CSMD3: variants seen among roughly 807,000 people sequenced by gnomAD.
CSMD3 encodes the protein CUB and sushi domain-containing protein 3.
A neutral mutation model predicts 435.2 loss-of-function variants in CSMD3; 177 were observed. The observed-to-expected ratio is 0.41, with a 90% CI of 0.36 to 0.46. The LOEUF (loss-of-function observed/expected upper bound fraction) is 0.46. Ranked by LOEUF, CSMD3 falls within the 20% of genes least tolerant of loss-of-function variation. The pLI, the probability that CSMD3 is intolerant of heterozygous loss-of-function variation, is 0.34. For missense variants in CSMD3, 4,265 were observed against 4,504.6 expected (o/e 0.95, Z 1.52); for synonymous variants, 1,656 against 1,520.5 (o/e 1.09, Z -2.07).
intron 22 of CSMD3, among the ~76,000 whole-genome samples, chr8:112,608,607 CA>C (rs1832981564): frequency 6.6e-6 from 1 of 151,714 alleles, no homozygotes; most frequent in Non-Finnish European, 1.5e-5. Flanking sequence ...TATACATACA[CA>C]CACACACACG....
intron 12 of CSMD3, among the ~76,000 whole-genome samples, chr8:112,826,113 G>A (rs1041807309): frequency 2.6e-5 from 4 of 152,220 alleles, no homozygotes; most frequent in African/African-American, 9.6e-5. Context: ...AGGCACTCTG[G>A]CCACAGTCTG....
intron 5 of CSMD3, among the ~76,000 whole-genome samples, chr8:113,029,512 T>C (rs564404638): frequency 1.1e-4 from 16 of 151,396 alleles, no homozygotes; most frequent in African/African-American, 3.6e-4. Flanking sequence ...TAAACAGAAT[T>C]AAAAACAAAT....
At chr8:112,359,113 TTTG>T (rs1401290612) in intron 38 of CSMD3, among the ~76,000 whole-genome samples, 2 of 152,154 alleles carry the variant, frequency 1.3e-5, no homozygotes, top group African/African-American at 2.4e-5. Context: ...TATTATTCAT[TTTG>T]TTGTAATTAC....
intron 1 of CSMD3, among the ~76,000 whole-genome samples, chr8:113,406,262 C>T (rs988842472): frequency 6.6e-6 from 1 of 151,540 alleles, no homozygotes; most frequent in Non-Finnish European, 1.5e-5. Flanking sequence ...TTTGAAGTAC[C>T]CTGGATCATG....
intron 7 of CSMD3, among the ~76,000 whole-genome samples, chr8:112,959,417 G>A (rs546620486): frequency 8.8e-4 from 133 of 151,904 alleles, no homozygotes; most frequent in Admixed American, 2.4e-3. Flanking sequence ...AAGTATCTTG[G>A]AAGTGTCAGT....
chr8:112,909,506 T>G (rs1384211026), intron 10 of CSMD3, among the ~76,000 whole-genome samples: 4 of 151,748 alleles, frequency 2.6e-5, no homozygotes, highest in Non-Finnish European at 4.4e-5. Context: ...AGGAAAGGGA[T>G]GTATAAAAGC....
intron 32 of CSMD3, among the ~76,000 whole-genome samples, chr8:112,440,666 G>A (rs576645748): frequency 1.3e-5 from 2 of 152,322 alleles, no homozygotes; most frequent in African/African-American, 2.4e-5. Flanking sequence ...TCGAGGCAGA[G>A]GTTCCCAAAC....
intron 2 of CSMD3, among the ~76,000 whole-genome samples, chr8:113,280,243 A>G (rs1563645737): frequency 1.3e-5 from 2 of 151,978 alleles, no homozygotes; most frequent in South Asian, 2.1e-4. Context: ...AAGGATTAGT[A>G]CCAATTCTTT....
intron 11 of CSMD3, among the ~76,000 whole-genome samples, chr8:112,852,229 T>A (rs2129742089): frequency 6.6e-6 from 1 of 152,262 alleles, no homozygotes; most frequent in South Asian, 2.1e-4. Context: ...AACTTAAAAA[T>A]AAATCCCAAA....
At chr8:113,138,161 T>G (rs2131716862) in intron 4 of CSMD3, among the ~76,000 whole-genome samples, 1 of 151,560 alleles carries the variant, frequency 6.6e-6, no homozygotes, top group Admixed American at 6.6e-5. Context: ...ACACTCAATT[T>G]ACCGTAATTA....
chr8:112,638,218 T>C (rs2131586606), intron 21 of CSMD3, among the ~76,000 whole-genome samples: 1 of 148,240 alleles, frequency 6.7e-6, no homozygotes, highest in African/African-American at 2.4e-5. Context: ...AAATATATAA[T>C]TTATTATTAA....
At chr8:112,470,068 G>A (rs897646971) in intron 32 of CSMD3, among the ~76,000 whole-genome samples, 2 of 152,100 alleles carry the variant, frequency 1.3e-5, no homozygotes, top group Non-Finnish European at 2.9e-5. Context: ...CATCAAAGAG[G>A]TAAAGGAAGG....
At chr8:112,434,435 GC>G (rs1282358691) in intron 32 of CSMD3, among the ~76,000 whole-genome samples, 1 of 152,084 alleles carries the variant, frequency 6.6e-6, no homozygotes, top group African/African-American at 2.4e-5. Flanking sequence ...ACTCTGCAAA[GC>G]ATCTTCCTTT....
At chr8:112,780,794 G>A (rs1464077529) in intron 13 of CSMD3, among the ~76,000 whole-genome samples, 1 of 151,516 alleles carries the variant, frequency 6.6e-6, no homozygotes, top group Non-Finnish European at 1.5e-5. Context: ...GAAGGGAATT[G>A]TCTATCACAG....
chr8:113,179,560 T>G (rs1035930099), intron 3 of CSMD3, among the ~76,000 whole-genome samples: 1 of 151,808 alleles, frequency 6.6e-6, no homozygotes, highest in Admixed American at 6.6e-5. Context: ...AAGTCCCCTA[T>G]AGGTGTCATT....
intron 10 of CSMD3, among the ~76,000 whole-genome samples, chr8:112,879,670 C>T (rs2130180189): frequency 6.6e-6 from 1 of 152,106 alleles, no homozygotes; most frequent in East Asian, 1.9e-4. Context: ...AAATTTCTCG[C>T]TTTTATACTC....
intron 61 of CSMD3, among the ~76,000 whole-genome samples, chr8:112,260,097 T>G (rs1816236027): frequency 6.6e-6 from 1 of 152,186 alleles, no homozygotes; most frequent in South Asian, 2.1e-4. Flanking sequence ...CAAATGGCTT[T>G]AATTCATAAA....
chr8:112,967,671 C>A (rs1370210536), intron 7 of CSMD3, among the ~76,000 whole-genome samples: 1 of 151,800 alleles, frequency 6.6e-6, no homozygotes, highest in African/African-American at 2.4e-5. Context: ...TGATTTTCTG[C>A]ACAGCCCTTA....
intron 27 of CSMD3, among the ~76,000 whole-genome samples, chr8:112,524,629 T>C (rs1401015832): frequency 2.0e-5 from 3 of 152,074 alleles, no homozygotes; most frequent in Admixed American, 2.0e-4. Flanking sequence ...ATGACTTTGT[T>C]ATTGAAACTG....
Sources: gnomAD v4.1 joint callset for allele counts (sites outside exome capture counted in the v4.1 genomes callset) on GRCh38, gnomAD v4.1.1 for gene constraint, MANE v1.5 for transcripts, NCBI Gene and HGNC (gene_info 2026-07-23, HGNC 2026-07-21) for gene names.